TBC1D32: variants seen among roughly 807,000 people sequenced by gnomAD.
TBC1D32 encodes protein broad-minded.
Under a neutral mutation model 170.3 loss-of-function variants are expected in TBC1D32, and 151 were observed. The ratio of observed to expected loss-of-function variants is 0.89; its 90% confidence interval spans 0.78 to 1.01. TBC1D32 has a LOEUF of 1.01. Among genes scored for constraint, TBC1D32 ranks in the 50% least tolerant of loss-of-function variants. TBC1D32 has a pLI of 0.00. For missense variants in TBC1D32, 1,464 were observed against 1,457.1 expected (o/e 1.00, Z -0.08); for synonymous variants, 498 against 488.0 (o/e 1.02, Z -0.27).
intron 22 of TBC1D32, among the ~76,000 whole-genome samples, chr6:121,200,670 T>G (rs1177233189): frequency 6.6e-6 from 1 of 151,414 alleles, no homozygotes; most frequent in Non-Finnish European, 1.5e-5. Flanking sequence ...AAGAAATAAA[T>G]TAACTATTAA....
intron 21 of TBC1D32, among the ~76,000 whole-genome samples, chr6:121,218,450 T>C (rs1343770695): frequency 6.6e-6 from 1 of 152,118 alleles, no homozygotes; most frequent in Non-Finnish European, 1.5e-5. Flanking sequence ...GATTGAAGGA[T>C]GCAAAGTTTT....
intron 22 of TBC1D32, among the ~76,000 whole-genome samples, chr6:121,162,387 C>T (rs1785831621): frequency 6.6e-6 from 1 of 151,982 alleles, no homozygotes; most frequent in African/African-American, 2.4e-5. Context: ...TACAATGTAA[C>T]TGAAGGAACG....
Position 121,096,602 on chromosome 6 carries a change from A to G in TBC1D32, c.3466-5561T>C, listed in dbSNP as rs541515596. ...CTCATGGATAGGAAGAATCAATATC[A>G]TGAAAATGGCCATACTGCCCAAAGT... On this transcript the variant is annotated intron_variant, in intron 30 of 31. Coordinates refer to ENST00000398212, the MANE Select transcript of TBC1D32 (RefSeq NM_152730.6). Among the ~76,000 whole-genome samples, 147 of 152,214 alleles carry G rather than the reference A, an allele frequency of 9.7e-4. 1 individual carries two copies. Among genetic ancestry groups the G allele is most frequent in the Admixed American group, 7.0e-3 (107 of 15,274 alleles).
intron 18 of TBC1D32, 65 bp from the exon 19 acceptor site, chr6:121,241,617 C>T: frequency 7.6e-7 from 1 of 1,314,086 alleles, no homozygotes; most frequent in Non-Finnish European, 1.1e-6. Flanking sequence ...CTAGACATTC[C>T]TTCAAGATGG....
chr6:121,334,478 A>G lies in TBC1D32; in HGVS notation c.-48T>C. 6.4e-7 allele frequency: 1 copy of G among 1,567,682 alleles called. No individual in the cohort carries two copies. The highest frequency in any genetic ancestry group is 1.9e-5 in the Admixed American group (1 of 53,326). Reference sequence around the variant, plus strand: ...TCTCATTACTCCAGGTCCGAGCAAAAGCCGCGCACTGCGCACGCGCACGCG... The same window carrying G: ...TCTCATTACTCCAGGTCCGAGCAAAGGCCGCGCACTGCGCACGCGCACGCG... On this transcript the variant is annotated 5_prime_UTR_variant, in exon 1 of 32. Transcript: ENST00000398212.
intron 15 of TBC1D32, among the ~76,000 whole-genome samples, chr6:121,258,379 A>G (rs1420224936): frequency 6.6e-6 from 1 of 152,104 alleles, no homozygotes; most frequent in Non-Finnish European, 1.5e-5. Flanking sequence ...ATTGATATTT[A>G]AACTTACTAA....
intron 3 of TBC1D32, among the ~76,000 whole-genome samples, chr6:121,317,245 T>C (rs1379386066): frequency 6.6e-6 from 1 of 152,142 alleles, no homozygotes; most frequent in Non-Finnish European, 1.5e-5. Flanking sequence ...CATTATTTTT[T>C]TTAATTCTAA....
At chr6:121,277,828 T>C (rs1418635228) in intron 15 of TBC1D32, among the ~76,000 whole-genome samples, 2 of 151,504 alleles carry the variant, frequency 1.3e-5, no homozygotes, top group Non-Finnish European at 2.9e-5. Context: ...CAGAAGTTAG[T>C]TTTTTGAAAA....
At chr6:121,202,538 G>A (rs1688156126) in intron 22 of TBC1D32, among the ~76,000 whole-genome samples, 1 of 151,344 alleles carries the variant, frequency 6.6e-6, no homozygotes, top group Admixed American at 6.6e-5. Flanking sequence ...AGTGAGTTGA[G>A]TAAATACGGG....
At chr6:121,235,079 C>G (rs1796173668) in intron 20 of TBC1D32, among the ~76,000 whole-genome samples, 1 of 152,188 alleles carries the variant, frequency 6.6e-6, no homozygotes, top group South Asian at 2.1e-4. Context: ...GGTCTTGCAG[C>G]TATGGATATC....
intron 22 of TBC1D32, among the ~76,000 whole-genome samples, chr6:121,168,466 A>G: frequency 1.2e-5 from 1 of 86,306 alleles, no homozygotes; most frequent in Non-Finnish European, 2.5e-5. Flanking sequence ...ACAAGAACAA[A>G]AAACCAAACA....
At chr6:121,220,778 T>C (rs1052534901) in intron 21 of TBC1D32, among the ~76,000 whole-genome samples, 1 of 151,504 alleles carries the variant, frequency 6.6e-6, no homozygotes, top group Non-Finnish European at 1.5e-5. Flanking sequence ...GTAGCTGGGA[T>C]TACAGACATG....
At chr6:121,181,757 G>C (rs77832600) in intron 22 of TBC1D32, among the ~76,000 whole-genome samples, 3 of 152,042 alleles carry the variant, frequency 2.0e-5, no homozygotes, top group Non-Finnish European at 1.5e-5. Flanking sequence ...TAAAGAAAAC[G>C]TAATACATTT....
intron 20 of TBC1D32, among the ~76,000 whole-genome samples, chr6:121,231,756 G>A (rs1171574641): frequency 6.6e-6 from 1 of 151,922 alleles, no homozygotes; most frequent in Non-Finnish European, 1.5e-5. Flanking sequence ...CCCACTTTTT[G>A]ATATGGTTGC....
intron 22 of TBC1D32, among the ~76,000 whole-genome samples, chr6:121,182,211 TTC>T (rs1259499209): frequency 1.2e-4 from 18 of 152,070 alleles, no homozygotes; most frequent in Non-Finnish European, 2.1e-4. Flanking sequence ...TACTTGCAAA[TTC>T]TCTGTTTACT....
intron 21 of TBC1D32, among the ~76,000 whole-genome samples, chr6:121,212,773 T>A (rs1014592293): frequency 6.6e-6 from 1 of 152,062 alleles, no homozygotes; most frequent in Non-Finnish European, 1.5e-5. Context: ...GGCCAATATC[T>A]TTGATGAACT....
intron 1 of TBC1D32, among the ~76,000 whole-genome samples, chr6:121,329,723 T>C (rs1173677023): frequency 6.6e-6 from 1 of 152,034 alleles, no homozygotes; most frequent in Non-Finnish European, 1.5e-5. Context: ...GAAAAAATTA[T>C]CACTAATTTT....
chr6:121,182,597 C>T (rs1374036784), intron 22 of TBC1D32, among the ~76,000 whole-genome samples: 5 of 151,944 alleles, frequency 3.3e-5, no homozygotes. Flanking sequence ...GGAAACAGCA[C>T]TTGAGTAACA....
At chr6:121,277,510 A>AAAAAAAAAAAAAAAAAAAAAAAAC (rs576996252) in intron 15 of TBC1D32, among the ~76,000 whole-genome samples, 1 of 147,964 alleles carries the variant, frequency 6.8e-6, no homozygotes, top group African/African-American at 2.5e-5. Flanking sequence ...AAAAAAAAAA[A>AAAAAAAAAAAAAAAAAAAAAAAAC]CCACAAGGGT....
Sources: allele counts gnomAD v4.1 joint callset (sites outside exome capture counted in the v4.1 genomes callset), GRCh38; gene constraint gnomAD v4.1.1; transcripts MANE v1.5; gene names NCBI Gene and HGNC (gene_info 2026-07-23, HGNC 2026-07-21).